The following FTO variants were observed in gnomAD, a reference collection of about 807,000 sequenced individuals.
FTO encodes the protein FTO alpha-ketoglutarate dependent dioxygenase, also known as alpha-ketoglutarate-dependent dioxygenase FTO.
Under a neutral mutation model 63.9 loss-of-function variants are expected in FTO, and 47 were observed. The ratio of observed to expected loss-of-function variants is 0.74; its 90% CI spans 0.58 to 0.94. The LOEUF is 0.94. FTO is among the 40% of genes least tolerant of loss of function. FTO has a pLI of 0.00. For missense variants in FTO, 562 were observed against 618.1 expected (o/e 0.91, Z 0.96); for synonymous variants, 207 against 224.4 (o/e 0.92, Z 0.69).
intron 1 of FTO, among the ~76,000 whole-genome samples, chr16:53,758,809 C>T (rs935308445): frequency 1.3e-5 from 2 of 151,934 alleles, no homozygotes; most frequent in Non-Finnish European, 1.5e-5. Context: ...AGAAAATACA[C>T]GAAACAGGAA....
intron 8 of FTO, among the ~76,000 whole-genome samples, chr16:54,038,746 G>A (rs1308653099): frequency 6.6e-6 from 1 of 152,172 alleles, no homozygotes; most frequent in Admixed American, 6.5e-5. Context: ...CATGGGACAT[G>A]CCTGTACCCT....
chr16:53,980,924 G>A (rs1438761883), intron 8 of FTO, among the ~76,000 whole-genome samples: 1 of 152,148 alleles, frequency 6.6e-6, no homozygotes, highest in African/African-American at 2.4e-5. Context: ...AATTCCAACA[G>A]ATTCATATTA....
intron 1 of FTO, among the ~76,000 whole-genome samples, chr16:53,753,988 A>G (rs1247447676): frequency 6.6e-6 from 1 of 152,174 alleles, no homozygotes; most frequent in African/African-American, 2.4e-5. Flanking sequence ...TGACGTCTCC[A>G]TTTAATTTTT....
At chr16:53,760,229 TGTGTGTGTGTGTGTGTGTGTGTGTG>T (rs1179922246) in intron 1 of FTO, among the ~76,000 whole-genome samples, 1,277 of 67,742 alleles carry the variant, frequency 0.019, 55 homozygotes, top group African/African-American at 0.045. Context: ...TGTGTGTGTG[TGTGTGTGTGTGTGTGTGTGTGTGTG>T]TGTGTGTTTT....
At chr16:53,718,487 T>G (rs2151481447) in intron 1 of FTO, among the ~76,000 whole-genome samples, 1 of 152,254 alleles carries the variant, frequency 6.6e-6, no homozygotes, top group East Asian at 1.9e-4. Context: ...TTTTTTCCTC[T>G]TTCAGTAATT....
rs1275281108 is a variant in FTO at position 54,114,627 on chromosome 16, C to T, written c.*2712C>T. The T allele has an allele frequency of 1.3e-5, 2 of 152,082 alleles. No individual in the cohort carries two copies. The highest frequency in any genetic ancestry group is 1.3e-4 in the Admixed American group (2 of 15,270). The allele number at this position is 152,082 out of a possible 1,614,324, so 9.4% of individuals were successfully genotyped here. A position where few individuals can be genotyped will look rare whatever the true frequency, so the allele number is the denominator to read the frequency against. On this transcript the variant is annotated 3_prime_UTR_variant, in exon 9 of 9. Transcript: ENST00000471389. ...TTTAAGTGAATCCGAAAGGTGAGATCACATTTGCTCTAAAGAAATGGTGAT... is the reference window on the plus strand; with the variant it reads ...TTTAAGTGAATCCGAAAGGTGAGATTACATTTGCTCTAAAGAAATGGTGAT...
chr16:53,786,853 T>C (rs1199707705), intron 1 of FTO, among the ~76,000 whole-genome samples: 1 of 152,078 alleles, frequency 6.6e-6, no homozygotes, highest in East Asian at 1.9e-4. Flanking sequence ...GGCTCACGCC[T>C]GTGTTTCCAG....
intron 2 of FTO, among the ~76,000 whole-genome samples, chr16:53,823,843 C>G (rs1038326807): frequency 6.6e-6 from 1 of 152,080 alleles, no homozygotes; most frequent in African/African-American, 2.4e-5. Flanking sequence ...CAAGATCATG[C>G]CATTGCACTC....
At chr16:54,012,947 A>G (rs949176941) in intron 8 of FTO, among the ~76,000 whole-genome samples, 23 of 152,200 alleles carry the variant, frequency 1.5e-4, no homozygotes, top group African/African-American at 4.3e-4. Flanking sequence ...CTGCTAACAC[A>G]ACACCCATTC....
At chr16:53,875,085 GGAGGGAGGGAGGAAGGAAGA>G (rs370105500) in intron 5 of FTO, among the ~76,000 whole-genome samples, 154 of 150,900 alleles carry the variant, frequency 1.0e-3, no homozygotes, top group African/African-American at 3.6e-3. Flanking sequence ...AGAAAAGAAG[GGAGGGAGGGAGGAAGGAAGA>G]GAGGGAGGGA....
intron 8 of FTO, chr16:54,070,796 A>G (rs927969008): frequency 6.6e-6 from 1 of 152,240 alleles, no homozygotes; most frequent in Non-Finnish European, 1.5e-5. Flanking sequence ...CAAGCAAATG[A>G]AATCATGGTA....
intron 8 of FTO, among the ~76,000 whole-genome samples, chr16:54,076,944 G>T (rs1263453954): frequency 6.6e-6 from 1 of 152,016 alleles, no homozygotes; most frequent in African/African-American, 2.4e-5. Context: ...TTATATTATG[G>T]GTCAAAATTT....
rs143626679 is a variant in FTO at position 53,822,701 on chromosome 16, GTA to G, written c.124-3151_124-3150del. On this transcript the variant is annotated intron_variant, in intron 2 of 8. Coordinates refer to ENST00000471389, the MANE Select transcript of FTO (RefSeq NM_001080432.3). ...CCTATTTGTGTGTATATGTGTGTGTGTATATATATATATGCATACATATTTTA... is the reference window on the plus strand; with the variant it reads ...CCTATTTGTGTGTATATGTGTGTGTGTATATATATATGCATACATATTTTA... Among the ~76,000 whole-genome samples, 717 of 151,016 alleles carry G rather than the reference GTA, an allele frequency of 4.7e-3. 6 individuals are homozygous for G. Among genetic ancestry groups the G allele is most frequent in the Non-Finnish European group, 7.0e-3 (471 of 67,638 alleles).
chr16:53,917,063 A>G (rs972099782), intron 7 of FTO, among the ~76,000 whole-genome samples: 11 of 152,190 alleles, frequency 7.2e-5, no homozygotes, highest in African/African-American at 2.7e-4. Context: ...CTAGTCTGTC[A>G]GTGAAACCAT....
intron 8 of FTO, among the ~76,000 whole-genome samples, chr16:54,092,348 T>A (rs1252918180): frequency 2.0e-5 from 3 of 152,086 alleles, no homozygotes; most frequent in African/African-American, 4.8e-5. Context: ...GAACTAAGGA[T>A]CTCAAGACCT....
chr16:54,059,829 C>T (rs2085527059), intron 8 of FTO, among the ~76,000 whole-genome samples: 1 of 152,194 alleles, frequency 6.6e-6, no homozygotes, highest in South Asian at 2.1e-4. Flanking sequence ...AAGTTAATTA[C>T]TAGTACTAAT....
At chr16:53,913,854 C>T (rs890347004) in intron 7 of FTO, among the ~76,000 whole-genome samples, 2 of 152,068 alleles carry the variant, frequency 1.3e-5, no homozygotes, top group Admixed American at 1.3e-4. Flanking sequence ...TGGCGCATGC[C>T]TGTAATCCCA....
At chr16:53,757,303 T>C (rs1462822086) in intron 1 of FTO, among the ~76,000 whole-genome samples, 8 of 152,270 alleles carry the variant, frequency 5.3e-5, no homozygotes. Context: ...CACCATGTTG[T>C]ACAAGAGATC....
At chr16:54,106,864 T>C (rs2086766934) in intron 8 of FTO, among the ~76,000 whole-genome samples, 2 of 136,044 alleles carry the variant, frequency 1.5e-5, no homozygotes, top group South Asian at 2.2e-4. Flanking sequence ...TAATTATATA[T>C]AATAATATAA....
Sources: allele counts gnomAD v4.1 joint callset (sites outside exome capture counted in the v4.1 genomes callset), GRCh38; gene constraint gnomAD v4.1.1; transcripts MANE v1.5; gene names NCBI Gene and HGNC (gene_info 2026-07-23, HGNC 2026-07-21).